The following NCOR1 variants were observed in gnomAD, a reference collection of about 807,000 sequenced individuals.
NCOR1 encodes protein phosphatase 1, regulatory subunit 109.
Under a neutral mutation model 288.1 loss-of-function variants are expected in NCOR1, and 63 were observed. That is an observed-to-expected ratio of 0.22 (90% CI 0.18 to 0.27). The LOEUF (loss-of-function observed/expected upper bound fraction) is 0.27, where lower values mean the gene tolerates loss of function less well. Ranked by LOEUF, NCOR1 falls within the 10% of genes least tolerant of loss-of-function variation. The pLI, the probability that NCOR1 is intolerant of heterozygous loss-of-function variation, is 1.00. For synonymous variants in NCOR1, 1,007 were observed against 1,065.9 expected, an observed-to-expected ratio of 0.94 and a Z score of 1.08; for missense variants, 2,397 against 3,019.2, an observed-to-expected ratio of 0.79 and a Z score of 4.83.
chr17:16,157,401 T>C (rs905415840), intron 6 of NCOR1, among the ~76,000 whole-genome samples: 3 of 152,350 alleles, frequency 2.0e-5, no homozygotes, highest in South Asian at 2.1e-4. Flanking sequence ...TTCTGATGAC[T>C]CTCAGTTATC....
chr17:16,214,813 G>A (rs910526673), intron 1 of NCOR1, among the ~76,000 whole-genome samples: 2 of 152,182 alleles, frequency 1.3e-5, no homozygotes, highest in South Asian at 2.1e-4. Context: ...AACGGCAGAA[G>A]GTATAGTGTT....
chr17:16,202,261 C>G (rs1340552398), intron 1 of NCOR1, among the ~76,000 whole-genome samples: 2 of 149,410 alleles, frequency 1.3e-5, no homozygotes. Flanking sequence ...ATTAGCCAGG[C>G]GTGGTGGTGC....
chr17:16,095,339 G>A (rs1409022157), intron 21 of NCOR1, among the ~76,000 whole-genome samples: 14 of 149,006 alleles, frequency 9.4e-5, no homozygotes, highest in Non-Finnish European at 1.3e-4. Flanking sequence ...CTGCCACCCC[G>A]TCTGGGAAGT....
At chr17:16,092,689 ATATATATTTTTTTTTT>A (rs1327140309) in intron 21 of NCOR1, among the ~76,000 whole-genome samples, 8 of 11,056 alleles carry the variant, frequency 7.2e-4, no homozygotes, top group African/African-American at 2.5e-3. Flanking sequence ...ATATATATAT[ATATATATTTTTTTTTT>A]TTTTTTTTTT....
chr17:16,129,656 T>C (rs1043577905), intron 14 of NCOR1, among the ~76,000 whole-genome samples: 5 of 152,162 alleles, frequency 3.3e-5, no homozygotes, highest in South Asian at 2.1e-4. Context: ...CTGTAACCAA[T>C]GTAGCATCCA....
In NCOR1 at chr17:16,031,539, T is replaced by C. The variant is rs1971997437; in HGVS notation, c.*757A>G. ...AGTGAGGTATGCCTCAAATAAGCCT[T>C]TAAAACTTTATAAACTGAACTAGAA... On this transcript the variant is annotated 3_prime_UTR_variant, in exon 46 of 46. Coordinates refer to ENST00000268712, the MANE Select transcript of NCOR1 (RefSeq NM_006311.4). 4.7e-6 allele frequency: 1 copy of C among 214,376 alleles called. No individual in the cohort carries two copies. 13.3% of individuals were successfully genotyped at this position (214,376 alleles called of 1,614,324 possible). A position where few individuals can be genotyped will look rare whatever the true frequency, so the allele number is the denominator to read the frequency against.
At chr17:16,056,400 C>T (rs9652828) in intron 40 of NCOR1, among the ~76,000 whole-genome samples, 64,242 of 148,462 alleles carry the variant, frequency 0.43, 15,423 homozygotes, top group Middle Eastern at 0.57. Context: ...GTGATTCTTC[C>T]GCCCAGGTTC....
intron 21 of NCOR1, among the ~76,000 whole-genome samples, chr17:16,094,320 C>T (rs1008570200): frequency 2.6e-5 from 4 of 152,066 alleles, no homozygotes; most frequent in Non-Finnish European, 5.9e-5. Flanking sequence ...CAATAAATGT[C>T]CATTTGAATG....
intron 28 of NCOR1, among the ~76,000 whole-genome samples, chr17:16,073,027 A>G (rs933297625): frequency 3.3e-5 from 5 of 152,240 alleles, no homozygotes; most frequent in African/African-American, 4.8e-5. Flanking sequence ...TGAAGCTGAA[A>G]TTTAAATTCA....
At chr17:16,103,707 C>T (rs966364074) in intron 19 of NCOR1, among the ~76,000 whole-genome samples, 5 of 152,340 alleles carry the variant, frequency 3.3e-5, no homozygotes, top group Non-Finnish European at 7.3e-5. Flanking sequence ...TCAACTCAAA[C>T]ATCACATGCT....
intron 18 of NCOR1, among the ~76,000 whole-genome samples, chr17:16,112,110 C>T (rs919809907): frequency 5.3e-5 from 8 of 152,142 alleles, no homozygotes; most frequent in African/African-American, 1.9e-4. Flanking sequence ...ACCTAATGAT[C>T]CACCCACCTT....
intron 40 of NCOR1, among the ~76,000 whole-genome samples, chr17:16,053,711 T>A (rs1302157911): frequency 2.0e-5 from 3 of 151,752 alleles, no homozygotes; most frequent in African/African-American, 7.3e-5. Flanking sequence ...TTAATATAGA[T>A]CCAAAAAAGA....
At chr17:16,131,704 T>C (rs1047571717) in intron 14 of NCOR1, among the ~76,000 whole-genome samples, 1 of 152,218 alleles carries the variant, frequency 6.6e-6, no homozygotes, top group Admixed American at 6.5e-5. Context: ...CAAAATTTAT[T>C]AACAATTAGT....
chr17:16,075,757 A>G, intron 26 of NCOR1, 55 bp from the exon 27 acceptor site: 8 of 1,590,398 alleles, frequency 5.0e-6, no homozygotes, highest in Non-Finnish European at 6.9e-6. Flanking sequence ...TAGGGAAAAC[A>G]CAAGATGCTC....
At chr17:16,196,944 G>A (rs1210408531) in intron 1 of NCOR1, among the ~76,000 whole-genome samples, 1 of 152,136 alleles carries the variant, frequency 6.6e-6, no homozygotes, top group Non-Finnish European at 1.5e-5. Flanking sequence ...TTGAGCCCAG[G>A]AGGTCAAGAC....
At chr17:16,108,349 G>GT (rs374801639) in intron 19 of NCOR1, 4,022 of 208,948 alleles carry the variant, frequency 0.019, 2 homozygotes, top group South Asian at 0.047. Context: ...TAAGTTTCGT[G>GT]TTTTTTTTTT....
In NCOR1 at chr17:16,178,134, G is replaced by A. The variant is rs992021089; in HGVS notation, c.243-6139C>T. 2.6e-5 allele frequency among the ~76,000 whole-genome samples: 4 copies of A among 151,906 alleles called. No homozygotes were observed. The East Asian group carries it at 5.8e-4, about 22-fold the overall frequency. The stretch of plus-strand genomic sequence containing the variant: ...TGAGGCATGAGAATCCCTTCAACCC[G>A]GGAGGCAGAGGTGAGCCAAGATTGC... On this transcript the variant is annotated intron_variant, in intron 3 of 45. Coordinates refer to ENST00000268712, the MANE Select transcript of NCOR1 (RefSeq NM_006311.4).
intron 15 of NCOR1, among the ~76,000 whole-genome samples, chr17:16,124,624 T>A (rs763716796): frequency 3.9e-5 from 6 of 152,226 alleles, no homozygotes; most frequent in Non-Finnish European, 7.3e-5. Flanking sequence ...CACCCCTGTA[T>A]GTCCACAAAA....
intron 12 of NCOR1, 46 bp from the exon 13 acceptor site, chr17:16,138,258 A>G: frequency 6.7e-7 from 1 of 1,502,168 alleles, no homozygotes; most frequent in Non-Finnish European, 9.1e-7. Context: ...CAAATATTTC[A>G]ACAACTAAAA....
Sources: gnomAD v4.1 joint callset for allele counts (sites outside exome capture counted in the v4.1 genomes callset) on GRCh38, gnomAD v4.1.1 for gene constraint, MANE v1.5 for transcripts, NCBI Gene and HGNC (gene_info 2026-07-23, HGNC 2026-07-21) for gene names.